The following LIMCH1 variants were observed in gnomAD, a reference collection of about 807,000 sequenced individuals.
The protein encoded by LIMCH1 is LIM and calponin homology domains 1.
A neutral mutation model predicts 176.5 loss-of-function variants in LIMCH1; 113 were observed. The ratio of observed to expected loss-of-function variants is 0.64; its 90% CI spans 0.55 to 0.75. The LOEUF (loss-of-function observed/expected upper bound fraction) is 0.75, where lower values mean the gene tolerates loss of function less well. Ranked by LOEUF, LIMCH1 falls within the 30% of genes least tolerant of loss-of-function variation. The pLI is 0.00. For synonymous variants in LIMCH1, 619 were observed against 645.9 expected, an observed-to-expected ratio of 0.96 and a Z score of 0.63; for missense variants, 1,674 against 1,814.9, an observed-to-expected ratio of 0.92 and a Z score of 1.41.
chr4:41,476,197 G>A (rs2067716306), intron 1 of LIMCH1, among the ~76,000 whole-genome samples: 1 of 152,132 alleles, frequency 6.6e-6, no homozygotes, highest in African/African-American at 2.4e-5. Flanking sequence ...TTGGTTAATG[G>A]TGTTTAAGCT....
At chr4:41,392,107 AG>A (rs1232754462) in intron 1 of LIMCH1, among the ~76,000 whole-genome samples, 1 of 152,204 alleles carries the variant, frequency 6.6e-6, no homozygotes, top group Non-Finnish European at 1.5e-5. Flanking sequence ...TTCCAGCATT[AG>A]GGCAGATTAC....
intron 2 of LIMCH1, among the ~76,000 whole-genome samples, chr4:41,602,127 A>G (rs1429038131): frequency 1.3e-5 from 1 of 74,296 alleles, no homozygotes; most frequent in Non-Finnish European, 2.3e-5. Flanking sequence ...AGTAGACCAA[A>G]AAAAAAAAAA....
chr4:41,645,437 T>C (rs1461530653), intron 15 of LIMCH1, among the ~76,000 whole-genome samples: 1 of 152,230 alleles, frequency 6.6e-6, no homozygotes, highest in African/African-American at 2.4e-5. Context: ...CTTGTAAGAA[T>C]AGGTGCTATT....
intron 2 of LIMCH1, among the ~76,000 whole-genome samples, chr4:41,514,243 C>G (rs958753090): frequency 6.6e-6 from 1 of 152,028 alleles, no homozygotes; most frequent in Non-Finnish European, 1.5e-5. Context: ...AGGACTAACC[C>G]TTTGCCTGAT....
At position 41,571,732 on chromosome 4, in the gene LIMCH1, CT is replaced by C. The variant is rs1166446760; in HGVS notation, c.-240-27187del. Among the ~76,000 whole-genome samples, 10 of 152,208 alleles carry C rather than the reference CT, an allele frequency of 6.6e-5. No homozygotes were observed. In the East Asian group the frequency reaches 7.7e-4, roughly 12 times the overall value. The stretch of plus-strand genomic sequence containing the variant: ...GCCATGGAATATGATACTGGATTAT[CT>C]ACAGTATCACTGCAGGTAATGACAA... On this transcript the variant is annotated intron_variant, in intron 1 of 31. Coordinates refer to ENST00000503057, the MANE Select transcript of LIMCH1 (RefSeq NM_001330672.2).
intron 1 of LIMCH1, among the ~76,000 whole-genome samples, chr4:41,362,190 G>A (rs953677449): frequency 1.3e-5 from 2 of 152,190 alleles, no homozygotes. Flanking sequence ...CCTGCTTCCC[G>A]CAAGCAAGAG....
At chr4:41,496,112 A>T (rs2072073620) in intron 2 of LIMCH1, among the ~76,000 whole-genome samples, 1 of 152,224 alleles carries the variant, frequency 6.6e-6, no homozygotes, top group Non-Finnish European at 1.5e-5. Flanking sequence ...CTCTCCTGAT[A>T]TTAACAGACT....
intron 1 of LIMCH1, among the ~76,000 whole-genome samples, chr4:41,422,326 T>TATAG (rs1440337157): frequency 6.6e-6 from 1 of 152,060 alleles, no homozygotes; most frequent in Non-Finnish European, 1.5e-5. Flanking sequence ...TAGCTTGGAT[T>TATAG]ATAGGCGCGC....
chr4:41,420,257 G>A (rs1286850453), intron 1 of LIMCH1, among the ~76,000 whole-genome samples: 1 of 152,160 alleles, frequency 6.6e-6, no homozygotes, highest in African/African-American at 2.4e-5. Context: ...GAGGTAACAT[G>A]CCAAAATGCC....
At chr4:41,477,066 A>G (rs571381400) in intron 1 of LIMCH1, among the ~76,000 whole-genome samples, 2 of 152,230 alleles carry the variant, frequency 1.3e-5, no homozygotes, top group Non-Finnish European at 2.9e-5. Context: ...CAACATATTT[A>G]GACAACATGG....
intron 1 of LIMCH1, among the ~76,000 whole-genome samples, chr4:41,371,421 T>A (rs1484466610): frequency 1.3e-5 from 2 of 152,198 alleles, no homozygotes; most frequent in Non-Finnish European, 2.9e-5. Context: ...GAACCATTTT[T>A]ACTCCCTTTC....
chr4:41,571,211 G>A (rs1234358118), intron 1 of LIMCH1, among the ~76,000 whole-genome samples: 1 of 151,972 alleles, frequency 6.6e-6, no homozygotes, highest in Non-Finnish European at 1.5e-5. Context: ...AATGTTTTTT[G>A]TCTTGTTTAT....
intron 1 of LIMCH1, among the ~76,000 whole-genome samples, chr4:41,593,982 C>T (rs1584608585): frequency 7.7e-6 from 1 of 129,524 alleles, no homozygotes; most frequent in African/African-American, 4.9e-5. Context: ...TACATGCATA[C>T]TTTTTTTGAA....
intron 1 of LIMCH1, among the ~76,000 whole-genome samples, chr4:41,436,495 T>C (rs1412284522): frequency 6.6e-6 from 1 of 152,208 alleles, no homozygotes; most frequent in Non-Finnish European, 1.5e-5. Context: ...CAGTTAATGC[T>C]GTGAGAGATT....
intron 21 of LIMCH1, 39 bp from the exon 22 acceptor site, chr4:41,671,515 C>T (rs761433036): frequency 8.4e-6 from 13 of 1,555,930 alleles, no homozygotes; most frequent in African/African-American, 1.4e-5. Context: ...AAAATACTCA[C>T]ATTCATATCT....
intron 1 of LIMCH1, among the ~76,000 whole-genome samples, chr4:41,366,560 A>G (rs921266838): frequency 2.6e-5 from 4 of 152,246 alleles, no homozygotes; most frequent in African/African-American, 4.8e-5. Context: ...CTTCAGTGCT[A>G]TTAAATCAGG....
chr4:41,402,988 A>G (rs1004078581), intron 1 of LIMCH1, among the ~76,000 whole-genome samples: 4 of 110,188 alleles, frequency 3.6e-5, no homozygotes, highest in African/African-American at 1.2e-4. Context: ...ATAAAAAAAA[A>G]GAAAAAAAAA....
intron 1 of LIMCH1, among the ~76,000 whole-genome samples, chr4:41,463,249 T>A (rs1374733866): frequency 1.3e-5 from 2 of 152,118 alleles, no homozygotes; most frequent in African/African-American, 4.8e-5. Flanking sequence ...CTGCTGAAGA[T>A]CTAGACATGA....
chr4:41,676,992 G>C (rs187348957), intron 23 of LIMCH1, among the ~76,000 whole-genome samples: 1 of 151,434 alleles, frequency 6.6e-6, no homozygotes, highest in African/African-American at 2.4e-5. Flanking sequence ...ACGAAACCCC[G>C]TCTCTACCAA....
Sources: gnomAD v4.1 joint callset for allele counts (sites outside exome capture counted in the v4.1 genomes callset) on GRCh38, gnomAD v4.1.1 for gene constraint, MANE v1.5 for transcripts, NCBI Gene and HGNC (gene_info 2026-07-23, HGNC 2026-07-21) for gene names.